RIC8B: variants seen among roughly 807,000 people sequenced by gnomAD.
RIC8B encodes chaperone Ric-8B.
RIC8B carries 16 observed loss-of-function variants against 57.5 expected under a neutral mutation model. The observed-to-expected ratio is 0.28, with a 90% confidence interval of 0.19 to 0.42. RIC8B has a LOEUF of 0.42. Among genes scored for constraint, RIC8B ranks in the 10% least tolerant of loss-of-function variants. The pLI, the probability that RIC8B is intolerant of heterozygous loss-of-function variation, is 1.00. For synonymous variants in RIC8B, 216 were observed against 250.8 expected, an observed-to-expected ratio of 0.86 and a Z score of 1.31; for missense variants, 481 against 677.0, an observed-to-expected ratio of 0.71 and a Z score of 3.21.
rs1002182625 is a variant in RIC8B, at chr12:106,867,703, G to A, written c.1452-3120G>A. ...TACATGAGACTCTGGTTTGAAGTGG[G>A]GAGCGGGAGAAGAGACAGTGTTCAT... On this transcript the variant is annotated intron_variant, in intron 8 of 9. Coordinates refer to ENST00000392837, the MANE Select transcript of RIC8B (RefSeq NM_001330145.2). The surrounding 1 kb of genome is among the most constrained non-coding windows in gnomAD (Gnocchi z 4.3). Among the ~76,000 whole-genome samples the A allele has an allele frequency of 6.6e-6, 1 of 152,110 alleles. No homozygotes were observed. Among genetic ancestry groups the A allele is most frequent in the Non-Finnish European group, 1.5e-5 (1 of 68,006 alleles).
Position 106,867,308 on chromosome 12 carries a change from C to G in RIC8B, c.1452-3515C>G, listed in dbSNP as rs1358832166. On this transcript the variant is annotated intron_variant, in intron 8 of 9. Transcript: ENST00000392837. The surrounding 1 kb of genome is among the most constrained non-coding windows in gnomAD (Gnocchi z 4.3). ...ATACAAAATTTATGATGAAATACCACAGATAAGAATTTAGACACTTCTTGT... is the reference window on the plus strand; with the variant it reads ...ATACAAAATTTATGATGAAATACCAGAGATAAGAATTTAGACACTTCTTGT... Among the ~76,000 whole-genome samples the G allele has an allele frequency of 6.6e-6, 1 of 152,142 alleles. No individual in the cohort carries two copies. The highest frequency in any genetic ancestry group is 1.5e-5 in the Non-Finnish European group (1 of 68,018).
intron 8 of RIC8B, among the ~76,000 whole-genome samples, chr12:106,869,999 CTT>C (rs1950329477): frequency 6.6e-6 from 1 of 151,598 alleles, no homozygotes; most frequent in Non-Finnish European, 1.5e-5. Flanking sequence ...ACTGTGATCT[CTT>C]GTCTGCTTCT....
At chr12:106,775,017 C>T (rs1288405818) in intron 1 of RIC8B, 188 bp downstream of exon 1, 2 of 581,544 alleles carry the variant, frequency 3.4e-6, no homozygotes, top group Non-Finnish European at 6.3e-6. Flanking sequence ...CATCCCACTA[C>T]CCCCACTGTA....
chr12:106,809,737 A>T (rs2045247165), intron 2 of RIC8B, among the ~76,000 whole-genome samples: 2 of 152,258 alleles, frequency 1.3e-5, no homozygotes, highest in Non-Finnish European at 1.5e-5. Flanking sequence ...TATGGGGTAC[A>T]TGTGATACTT....
chr12:106,851,061 A>G (rs148720321), intron 6 of RIC8B, among the ~76,000 whole-genome samples: 2 of 152,318 alleles, frequency 1.3e-5, no homozygotes, highest in East Asian at 1.9e-4. Context: ...AAGAGAAGGT[A>G]AAAATCAGTA....
At position 106,867,845 on chromosome 12, in the gene RIC8B, G is replaced by GAAA. The variant is rs1950205474; in HGVS notation, c.1452-2975_1452-2973dup. Among the ~76,000 whole-genome samples, 1 of 152,052 alleles carries GAAA rather than the reference G, an allele frequency of 6.6e-6. No individual in the cohort carries two copies. The highest frequency in any genetic ancestry group is 2.1e-4 in the South Asian group (1 of 4,820). ...TTTACATTCTTCCGAATATCCAGGG[G>GAAA]AAAAATGTCTTTTTAAAGGAAAAAA... On this transcript the variant is annotated intron_variant, in intron 8 of 9. Transcript: ENST00000392837. This position sits in a 1 kb window ranked among gnomAD's most constrained non-coding sequence, Gnocchi z 4.3.
chr12:106,793,219 T>C (rs1367443602), intron 2 of RIC8B, among the ~76,000 whole-genome samples: 2 of 152,206 alleles, frequency 1.3e-5, no homozygotes, highest in Non-Finnish European at 2.9e-5. Flanking sequence ...TTTACTTCAG[T>C]TGAGCTGTCA....
chr12:106,840,297 G>A lies in RIC8B; in HGVS notation c.837-2292G>A, dbSNP rs570494118. On this transcript the variant is annotated intron_variant, in intron 4 of 9. Transcript: ENST00000392837. ...AAGGCTTTAATCAGGGCATTAAGGA[G>A]TTCTAAATAGGTCTTGCTTTTGAAT... Among the ~76,000 whole-genome samples, 5 of 152,284 alleles carry A rather than the reference G, an allele frequency of 3.3e-5. No individual in the cohort carries two copies. In the East Asian group the frequency reaches 9.6e-4, roughly 29 times the overall value.
intron 4 of RIC8B, among the ~76,000 whole-genome samples, chr12:106,838,559 GAGGAGCAGGAGGAGC>G (rs1195003663): frequency 2.6e-5 from 4 of 151,268 alleles, no homozygotes; most frequent in Non-Finnish European, 5.9e-5. Context: ...AAAGAGGGAG[GAGGAGCAGGAGGAGC>G]AGGAGCAGGA....
In RIC8B at chr12:106,854,264, C is replaced by T. The variant is rs188278181; in HGVS notation, c.1306+2670C>T. On this transcript the variant is annotated intron_variant, in intron 7 of 9. Coordinates refer to ENST00000392837, the MANE Select transcript of RIC8B (RefSeq NM_001330145.2). ...AAAGAAAATGTCTGCAGTTTACCTT[C>T]AACTTAACAGTAATCAGATTTTGGA... Among the ~76,000 whole-genome samples the T allele has an allele frequency of 8.9e-4, 136 of 152,148 alleles. 1 individual carries two copies. Among genetic ancestry groups the T allele is most frequent in the African/African-American group, 3.1e-3 (127 of 41,504 alleles).
intron 2 of RIC8B, 123 bp downstream of exon 2, chr12:106,784,167 GT>G: frequency 3.2e-6 from 3 of 927,998 alleles, no homozygotes; most frequent in African/African-American, 1.7e-5. Context: ...CCTTCATTTT[GT>G]TTTTTAGGAA....
intron 2 of RIC8B, among the ~76,000 whole-genome samples, chr12:106,795,875 C>A (rs2044457558): frequency 1.3e-5 from 2 of 152,144 alleles, no homozygotes; most frequent in Admixed American, 1.3e-4. Context: ...CTGTATCTCA[C>A]TGGAATTAGT....
At chr12:106,819,844 A>T (rs1300964611) in intron 3 of RIC8B, among the ~76,000 whole-genome samples, 1 of 150,796 alleles carries the variant, frequency 6.6e-6, no homozygotes, top group Non-Finnish European at 1.5e-5. Context: ...GTATTCCTTC[A>T]TAAGGAAAGA....
chr12:106,786,001 C>T (rs1405319594), intron 2 of RIC8B, among the ~76,000 whole-genome samples: 1 of 151,706 alleles, frequency 6.6e-6, no homozygotes, highest in Non-Finnish European at 1.5e-5. Context: ...TATGTGCCAC[C>T]ATGCCCAGCC....
intron 2 of RIC8B, among the ~76,000 whole-genome samples, chr12:106,801,420 G>GT (rs1438292914): frequency 6.6e-6 from 1 of 152,112 alleles, no homozygotes; most frequent in Non-Finnish European, 1.5e-5. Context: ...TTTATTTTCA[G>GT]TTTTTTTGAC....
chr12:106,823,428 T>C (rs948781757), intron 3 of RIC8B: 15 of 456,294 alleles, frequency 3.3e-5, no homozygotes, highest in Non-Finnish European at 6.2e-5. Context: ...TGGGAGTTGA[T>C]GTTATCAAAA....
At chr12:106,839,704 G>T (rs1196382238) in intron 4 of RIC8B, among the ~76,000 whole-genome samples, 1 of 152,086 alleles carries the variant, frequency 6.6e-6, no homozygotes, top group Non-Finnish European at 1.5e-5. Context: ...TACCACAAAA[G>T]AAAAAAATAC....
intron 2 of RIC8B, among the ~76,000 whole-genome samples, chr12:106,785,340 C>T (rs1046606632): frequency 2.0e-5 from 3 of 152,132 alleles, no homozygotes; most frequent in African/African-American, 7.2e-5. Flanking sequence ...CTGGTGAATC[C>T]CTACTCACCT....
intron 9 of RIC8B, among the ~76,000 whole-genome samples, chr12:106,883,207 C>A (rs77799819): frequency 6.6e-6 from 1 of 152,140 alleles, no homozygotes; most frequent in Non-Finnish European, 1.5e-5. Context: ...GTCCCCACCC[C>A]ACACCTGAGT....
Sources: gnomAD v4.1 joint callset for allele counts (sites outside exome capture counted in the v4.1 genomes callset) on GRCh38, gnomAD v4.1.1 for gene constraint, Gnocchi (gnomAD v3.1) non-coding constraint, MANE v1.5 for transcripts, NCBI Gene and HGNC (gene_info 2026-07-23, HGNC 2026-07-21) for gene names.